Variants in STIM1 observed in about 807,000 individuals in gnomAD.
The protein encoded by STIM1 is stromal interaction molecule 1.
STIM1 carries 25 observed loss-of-function variants against 74.7 expected under a neutral mutation model. That is an observed-to-expected ratio of 0.33 (90% CI 0.24 to 0.47). The LOEUF (loss-of-function observed/expected upper bound fraction) is 0.47, where lower values mean the gene tolerates loss of function less well. Among genes scored for constraint, STIM1 ranks in the 20% least tolerant of loss-of-function variants. The probability of loss-of-function intolerance (pLI) is 1.00; values close to 1 mark genes in which losing one functional copy is unlikely to be tolerated. For synonymous variants in STIM1, 328 were observed against 348.8 expected, an observed-to-expected ratio of 0.94 and a Z score of 0.66; for missense variants, 728 against 920.8, an observed-to-expected ratio of 0.79 and a Z score of 2.71.
intron 2 of STIM1, among the ~76,000 whole-genome samples, chr11:3,971,534 C>CA (rs908835002): frequency 3.3e-4 from 50 of 150,184 alleles, no homozygotes; most frequent in South Asian, 1.5e-3. Flanking sequence ...GTCTCAAAAA[C>CA]AAAAAAAACA....
intron 1 of STIM1, among the ~76,000 whole-genome samples, chr11:3,942,280 A>G (rs889664504): frequency 6.6e-6 from 1 of 152,192 alleles, no homozygotes; most frequent in African/African-American, 2.4e-5. Flanking sequence ...TGGCCATATA[A>G]TACCTAGACC....
At chr11:3,855,170 G>A (rs1242221255), upstream of STIM1, 1 of 152,390 alleles carries the variant, frequency 6.6e-6, no homozygotes, top group Non-Finnish European at 1.5e-5. Flanking sequence ...GGGAGTTGGG[G>A]GCTGGGAGCT....
intron 3 of STIM1, among the ~76,000 whole-genome samples, chr11:4,029,136 C>T (rs547801791): frequency 2.0e-4 from 31 of 152,004 alleles, no homozygotes; most frequent in Admixed American, 8.5e-4. Flanking sequence ...TGCAGTGAGC[C>T]GAGATCACGC....
intron 1 of STIM1, among the ~76,000 whole-genome samples, chr11:3,899,582 C>G (rs2092289891): frequency 6.7e-6 from 1 of 149,894 alleles, no homozygotes; most frequent in Non-Finnish European, 1.5e-5. Context: ...AGAGGGCATC[C>G]CTGTCTTGTG....
At chr11:4,047,004 G>A (rs1025158601) in intron 3 of STIM1, among the ~76,000 whole-genome samples, 1 of 152,236 alleles carries the variant, frequency 6.6e-6, no homozygotes, top group South Asian at 2.1e-4. Flanking sequence ...CACGTGAGCT[G>A]TATGTTTTTC....
At chr11:3,964,009 C>T (rs1055692864) in intron 1 of STIM1, among the ~76,000 whole-genome samples, 1 of 152,192 alleles carries the variant, frequency 6.6e-6, no homozygotes, top group Non-Finnish European at 1.5e-5. Context: ...ACACCAGGCC[C>T]TATGCTGGAT....
At position 3,929,542 on chromosome 11, in the gene STIM1, T is replaced by C. The variant is rs368236980; in HGVS notation, c.140-38010T>C. ...TTTTTGTTTCTAGAACACAGTGCTTTAGACTTGGGCTTATAAATCAGAGCT... is the reference window on the plus strand; with the variant it reads ...TTTTTGTTTCTAGAACACAGTGCTTCAGACTTGGGCTTATAAATCAGAGCT... On this transcript the variant is annotated intron_variant, in intron 1 of 12. Coordinates refer to ENST00000526596, the MANE Select transcript of STIM1 (RefSeq NM_001382567.1). Among the ~76,000 whole-genome samples, 36 of 152,306 alleles carry C rather than the reference T, an allele frequency of 2.4e-4. 1 individual carries two copies. In the East Asian group the frequency reaches 4.8e-3, roughly 20 times the overall value.
chr11:4,051,092 GA>G (rs201802654), intron 3 of STIM1, among the ~76,000 whole-genome samples: 3,788 of 150,482 alleles, frequency 0.025, 143 homozygotes, highest in African/African-American at 0.082. Context: ...ACCTTTTATT[GA>G]AAAAAAAATC....
intron 1 of STIM1, among the ~76,000 whole-genome samples, chr11:3,905,559 G>C (rs1464954057): frequency 6.6e-6 from 1 of 152,086 alleles, no homozygotes; most frequent in East Asian, 1.9e-4. Flanking sequence ...GGCAGACAAG[G>C]GAGACCTTGT....
chr11:3,968,499 A>G (rs1034408630), intron 2 of STIM1, among the ~76,000 whole-genome samples: 2 of 152,188 alleles, frequency 1.3e-5, no homozygotes, highest in Non-Finnish European at 2.9e-5. Context: ...GTCAGATCCA[A>G]TGTGAGGAAC....
chr11:4,001,321 C>A (rs10835476), intron 2 of STIM1, among the ~76,000 whole-genome samples: 115,742 of 151,034 alleles, frequency 0.77, 45,499 homozygotes, highest in South Asian at 0.9. Context: ...AAAAAATGTT[C>A]AGGGCAGCCA....
At chr11:3,963,409 G>A (rs2093308875) in intron 1 of STIM1, among the ~76,000 whole-genome samples, 1 of 152,124 alleles carries the variant, frequency 6.6e-6, no homozygotes, top group South Asian at 2.1e-4. Context: ...CCCTGCAAAG[G>A]ACATGATCTC....
chr11:4,022,837 G>A lies in STIM1; in HGVS notation c.271-1036G>A, dbSNP rs1351221981. Among the ~76,000 whole-genome samples the A allele has an allele frequency of 2.0e-5, 3 of 152,110 alleles. No homozygotes were observed. In the East Asian group the frequency reaches 5.8e-4, roughly 29 times the overall value. Reference sequence around the variant, plus strand: ...CCAGGCTTCTTACATTTTGACTCAGGGCCCCTCAGGGCCCAAAAGAGAGAG... The same window carrying A: ...CCAGGCTTCTTACATTTTGACTCAGAGCCCCTCAGGGCCCAAAAGAGAGAG... On this transcript the variant is annotated intron_variant, in intron 2 of 12. Coordinates refer to ENST00000526596, the MANE Select transcript of STIM1 (RefSeq NM_001382567.1).
intron 2 of STIM1, among the ~76,000 whole-genome samples, chr11:3,988,549 A>G (rs566001184): frequency 1.2e-4 from 18 of 152,310 alleles, no homozygotes; most frequent in Admixed American, 1.1e-3. Context: ...GTATGTTCAC[A>G]TGTTGATAAG....
At chr11:3,994,463 C>CTTTTTTTTTTTTTTTTTTTTTT (rs56255114) in intron 2 of STIM1, among the ~76,000 whole-genome samples, 1 of 134,388 alleles carries the variant, frequency 7.4e-6, no homozygotes, top group Non-Finnish European at 1.6e-5. Context: ...CTTTTTCTTT[C>CTTTTTTTTTTTTTTTTTTTTTT]TTTTTTTTTT....
At chr11:3,944,558 T>G (rs943226977) in intron 1 of STIM1, among the ~76,000 whole-genome samples, 1 of 152,210 alleles carries the variant, frequency 6.6e-6, no homozygotes, top group Admixed American at 6.5e-5. Context: ...ATACTATGTT[T>G]TGGATTTTCC....
chr11:4,076,985 G>A (rs183826444), intron 7 of STIM1, among the ~76,000 whole-genome samples: 13 of 151,888 alleles, frequency 8.6e-5, no homozygotes, highest in Admixed American at 8.5e-4. Context: ...AAGATTGTCA[G>A]ATTGGATTAA....
chr11:3,854,855 G>A (rs1438197883), upstream of STIM1: 1 of 152,274 alleles, frequency 6.6e-6, no homozygotes, highest in Admixed American at 6.5e-5. Flanking sequence ...ATGTGTAGGG[G>A]AATTTTAGCT....
chr11:3,890,464 A>T (rs145289994), intron 1 of STIM1, among the ~76,000 whole-genome samples: 15 of 152,316 alleles, frequency 9.8e-5, no homozygotes, highest in African/African-American at 3.6e-4. Flanking sequence ...ACTGACAGAG[A>T]CTCATGGCTT....
Sources: gnomAD v4.1 joint callset for allele counts (sites outside exome capture counted in the v4.1 genomes callset) on GRCh38, gnomAD v4.1.1 for gene constraint, MANE v1.5 for transcripts, NCBI Gene and HGNC (gene_info 2026-07-23, HGNC 2026-07-21) for gene names.